The following SV2C variants were observed in gnomAD, a reference collection of about 807,000 sequenced individuals.
SV2C encodes the protein synaptic vesicle glycoprotein 2C, also known as solute carrier family 22 member B3.
In SV2C, 49 loss-of-function variants were observed where a neutral mutation model predicts 79.7. The ratio of observed to expected loss-of-function variants is 0.61; its 90% CI spans 0.49 to 0.78. The LOEUF (loss-of-function observed/expected upper bound fraction) is 0.78. Ranked by LOEUF, SV2C falls within the 30% of genes least tolerant of loss-of-function variation. The probability of loss-of-function intolerance (pLI) is 0.00; values close to 1 mark genes in which losing one functional copy is unlikely to be tolerated. For missense variants in SV2C, 833 were observed against 912.9 expected (o/e 0.91, Z 1.13); for synonymous variants, 334 against 333.2 (o/e 1.00, Z -0.03).
At chr5:76,346,691 G>A (rs1286475454) in intron 12 of SV2C, among the ~76,000 whole-genome samples, 5 of 152,168 alleles carry the variant, frequency 3.3e-5, no homozygotes, top group Non-Finnish European at 1.5e-5. Context: ...CAGGGCCTTG[G>A]ACTGTGCCTT....
chr5:76,339,452 C>T (rs142847949), intron 12 of SV2C, among the ~76,000 whole-genome samples: 2,600 of 152,230 alleles, frequency 0.017, 62 homozygotes, highest in African/African-American at 0.059. Flanking sequence ...TGGTGGCTCA[C>T]GCCTATAATC....
At chr5:76,059,616 C>G in the SV2C span, among the ~76,000 whole-genome samples, 1 of 151,948 alleles carries the variant, frequency 6.6e-6, no homozygotes, top group African/African-American at 2.4e-5. Flanking sequence ...CTATTTCCAC[C>G]ACATCTGCAA....
the SV2C span, among the ~76,000 whole-genome samples, chr5:75,890,554 T>G: frequency 0.23 from 35,300 of 152,006 alleles, 7,668 homozygotes; most frequent in African/African-American, 0.58. Context: ...GAAGTTGAAG[T>G]CATGATGGCA....
chr5:76,348,038 T>G (rs1749575635), intron 12 of SV2C, among the ~76,000 whole-genome samples: 1 of 152,150 alleles, frequency 6.6e-6, no homozygotes, highest in African/African-American at 2.4e-5. Context: ...TACAGAATAG[T>G]TTCACTGACT....
At chr5:76,145,187 G>A (rs1472917884) in intron 2 of SV2C, among the ~76,000 whole-genome samples, 4 of 152,206 alleles carry the variant, frequency 2.6e-5, no homozygotes, top group Non-Finnish European at 5.9e-5. Flanking sequence ...AAGTTAAAGG[G>A]GCTGCTTAAT....
At chr5:76,335,414 C>CTTTT (rs869230352), downstream of SV2C, among the ~76,000 whole-genome samples, 1,056 of 98,078 alleles carry the variant, frequency 0.011, 61 homozygotes, top group African/African-American at 0.047. Flanking sequence ...ACACATTTTC[C>CTTTT]TTTTTTTTTT....
At chr5:75,887,051 ATT>A in the SV2C span, among the ~76,000 whole-genome samples, 1 of 152,224 alleles carries the variant, frequency 6.6e-6, no homozygotes, top group African/African-American at 2.4e-5. Flanking sequence ...TTATTTTTTT[ATT>A]TTTAAAATAT....
the SV2C span, among the ~76,000 whole-genome samples, chr5:76,030,614 T>C: frequency 1.3e-5 from 2 of 151,996 alleles, no homozygotes; most frequent in African/African-American, 4.8e-5. Context: ...CTTTGCACAA[T>C]TGTAAGAAGC....
At chr5:76,063,611 C>A in the SV2C span, among the ~76,000 whole-genome samples, 1 of 152,130 alleles carries the variant, frequency 6.6e-6, no homozygotes, top group Non-Finnish European at 1.5e-5. Context: ...ACTCCTGAGC[C>A]TATGGTCCTC....
chr5:75,990,819 G>C, the SV2C span, among the ~76,000 whole-genome samples: 3 of 152,032 alleles, frequency 2.0e-5, no homozygotes, highest in Admixed American at 6.6e-5. Context: ...AAAAAGTGAA[G>C]GGTATACCTC....
intron 2 of SV2C, among the ~76,000 whole-genome samples, chr5:76,165,396 GT>G (rs1340830483): frequency 6.6e-6 from 1 of 152,138 alleles, no homozygotes. Context: ...GTTCTAGGAA[GT>G]TTTATCACAT....
At chr5:76,041,278 C>T in the SV2C span, among the ~76,000 whole-genome samples, 1 of 152,206 alleles carries the variant, frequency 6.6e-6, no homozygotes, top group South Asian at 2.1e-4. Flanking sequence ...TGTAAAACCT[C>T]AAATTCTGTG....
chr5:75,928,575 A>T, the SV2C span, among the ~76,000 whole-genome samples: 3 of 152,186 alleles, frequency 2.0e-5, no homozygotes, highest in Non-Finnish European at 4.4e-5. Flanking sequence ...GGAAATGATT[A>T]TGTAGCTTTT....
At chr5:76,120,076 T>A (rs1022984737) in intron 1 of SV2C, among the ~76,000 whole-genome samples, 3 of 152,190 alleles carry the variant, frequency 2.0e-5, no homozygotes, top group Non-Finnish European at 1.5e-5. Flanking sequence ...TCTGCTTTGA[T>A]CCTTATACAA....
chr5:76,109,205 ATT>A (rs779781326), intron 1 of SV2C, among the ~76,000 whole-genome samples: 1 of 152,196 alleles, frequency 6.6e-6, no homozygotes, highest in African/African-American at 2.4e-5. Context: ...AAGTGATAGG[ATT>A]GTTCATGTGT....
intron 4 of SV2C, among the ~76,000 whole-genome samples, chr5:76,283,176 G>T (rs1330702612): frequency 1.3e-5 from 2 of 152,146 alleles, no homozygotes; most frequent in Non-Finnish European, 2.9e-5. Flanking sequence ...AGCTGGGCAT[G>T]ATGGTGTGCA....
the SV2C span, among the ~76,000 whole-genome samples, chr5:75,939,929 A>T: frequency 6.6e-6 from 1 of 152,106 alleles, no homozygotes; most frequent in Non-Finnish European, 1.5e-5. Flanking sequence ...CCTTTCCAGC[A>T]ACCCTTCCCT....
the SV2C span, chr5:76,075,751 A>C: frequency 3.1e-6 from 1 of 326,458 alleles, no homozygotes; most frequent in East Asian, 9.6e-5. Flanking sequence ...TGTTTTATGG[A>C]TCTTAAAAGA....
chr5:76,104,675 T>A (rs567237312), intron 1 of SV2C, among the ~76,000 whole-genome samples: 2 of 152,332 alleles, frequency 1.3e-5, no homozygotes, highest in South Asian at 4.1e-4. Flanking sequence ...CCTTTCTACA[T>A]TCTGTTTGCG....
Sources: allele counts gnomAD v4.1 joint callset (sites outside exome capture counted in the v4.1 genomes callset), GRCh38; gene constraint gnomAD v4.1.1; transcripts MANE v1.5; gene names NCBI Gene and HGNC (gene_info 2026-07-23, HGNC 2026-07-21).